GALNT2: variants seen among roughly 807,000 people sequenced by gnomAD.
GALNT2 encodes UDP-GalNAc:polypeptide N-acetylgalactosaminyltransferase 2.
Under a neutral mutation model 81.4 loss-of-function variants are expected in GALNT2, and 31 were observed. The observed-to-expected ratio is 0.38, with a 90% CI of 0.29 to 0.51. GALNT2 has a LOEUF of 0.51. Among genes scored for constraint, GALNT2 ranks in the 20% least tolerant of loss-of-function variants. GALNT2 has a pLI of 0.87. For synonymous variants in GALNT2, 303 were observed against 287.4 expected (o/e 1.05, Z -0.55); for missense variants, 629 against 765.7 (o/e 0.82, Z 2.11).
intron 1 of GALNT2, among the ~76,000 whole-genome samples, chr1:230,159,953 A>G (rs543075488): frequency 2.0e-5 from 3 of 152,220 alleles, no homozygotes; most frequent in African/African-American, 7.2e-5. Flanking sequence ...AGAGTTGCCA[A>G]GGGGAGTGGG....
chr1:230,162,879 C>T (rs569641578), intron 1 of GALNT2, among the ~76,000 whole-genome samples: 99 of 152,318 alleles, frequency 6.5e-4, no homozygotes, highest in African/African-American at 2.2e-3. Flanking sequence ...AGTCACATTT[C>T]CACATGACTG....
At chr1:230,113,562 T>C (rs984421772) in intron 1 of GALNT2, among the ~76,000 whole-genome samples, 14 of 152,054 alleles carry the variant, frequency 9.2e-5, no homozygotes, top group African/African-American at 2.9e-4. Flanking sequence ...GCAATGACAG[T>C]GGAACCCAGT....
chr1:230,155,112 C>G (rs1662207061), intron 1 of GALNT2, among the ~76,000 whole-genome samples: 1 of 152,202 alleles, frequency 6.6e-6, no homozygotes, highest in Non-Finnish European at 1.5e-5. Context: ...GCACCCCCCA[C>G]CCCGTTTCCG....
At chr1:230,176,734 C>T (rs1662992071) in intron 1 of GALNT2, among the ~76,000 whole-genome samples, 1 of 152,208 alleles carries the variant, frequency 6.6e-6, no homozygotes, top group South Asian at 2.1e-4. Flanking sequence ...GCCAAGTAAT[C>T]TCAAAAGCCA....
At chr1:230,156,916 T>C (rs1252830193) in intron 1 of GALNT2, among the ~76,000 whole-genome samples, 1 of 152,216 alleles carries the variant, frequency 6.6e-6, no homozygotes, top group Non-Finnish European at 1.5e-5. Flanking sequence ...ATACTTTGGT[T>C]CTATCATTAG....
intron 1 of GALNT2, among the ~76,000 whole-genome samples, chr1:230,090,840 A>G (rs1660049629): frequency 6.6e-6 from 1 of 152,184 alleles, no homozygotes; most frequent in Admixed American, 6.5e-5. Flanking sequence ...TAGCTTTGAG[A>G]GAGAGAATGA....
At chr1:230,073,847 C>G (rs923362775) in intron 1 of GALNT2, among the ~76,000 whole-genome samples, 3 of 152,138 alleles carry the variant, frequency 2.0e-5, no homozygotes, top group African/African-American at 7.2e-5. Context: ...CCGCAGCCTT[C>G]CAGGAGCTCC....
chr1:230,190,792 C>T (rs762901189), intron 2 of GALNT2, among the ~76,000 whole-genome samples: 22 of 152,148 alleles, frequency 1.4e-4, no homozygotes, highest in Admixed American at 3.3e-4. Context: ...TAAACATCTC[C>T]TATAGCATTT....
At chr1:230,255,421 G>T in intron 11 of GALNT2, 77 bp downstream of exon 11, 1 of 1,578,300 alleles carries the variant, frequency 6.3e-7, no homozygotes, top group Middle Eastern at 1.7e-4. Flanking sequence ...TGGGCTGTTT[G>T]AGGACAGATG....
At chr1:230,087,033 G>A (rs528914609) in intron 1 of GALNT2, among the ~76,000 whole-genome samples, 6 of 152,344 alleles carry the variant, frequency 3.9e-5, no homozygotes, top group Admixed American at 6.5e-5. Flanking sequence ...CACCAGGCAC[G>A]TAGGGAGAAA....
intron 3 of GALNT2, among the ~76,000 whole-genome samples, chr1:230,204,162 CTTTTTCT>C (rs796131761): frequency 0.016 from 2,348 of 146,572 alleles, 53 homozygotes; most frequent in African/African-American, 0.056. Context: ...TTTTCTTTTT[CTTTTTCT>C]TTTTTTTTTT....
intron 3 of GALNT2, 21 bp downstream of exon 3, chr1:230,203,311 C>G (rs958242973): frequency 1.2e-6 from 2 of 1,608,722 alleles, no homozygotes; most frequent in Non-Finnish European, 1.7e-6. Context: ...CACTAAGCAC[C>G]TGCTGCAGCT....
chr1:230,191,586 A>G (rs1239488748), intron 2 of GALNT2, among the ~76,000 whole-genome samples: 1 of 152,200 alleles, frequency 6.6e-6, no homozygotes, highest in Non-Finnish European at 1.5e-5. Context: ...ATCATAGCTC[A>G]CTGCAGCCTC....
At chr1:230,185,980 C>A (rs1222506028) in intron 2 of GALNT2, among the ~76,000 whole-genome samples, 3 of 152,176 alleles carry the variant, frequency 2.0e-5, no homozygotes, top group African/African-American at 7.2e-5. Context: ...ATTCACCTGT[C>A]CAATTTGGGG....
At chr1:230,116,168 A>G (rs1164521716) in intron 1 of GALNT2, among the ~76,000 whole-genome samples, 3 of 152,160 alleles carry the variant, frequency 2.0e-5, no homozygotes, top group African/African-American at 7.2e-5. Flanking sequence ...GAAGGATTTC[A>G]CTTGACTTTG....
At chr1:230,249,117 G>A in intron 8 of GALNT2, 67 bp from the exon 9 acceptor site, 2 of 1,384,052 alleles carry the variant, frequency 1.4e-6, no homozygotes, top group South Asian at 2.3e-5. Context: ...AAGCTGTGAG[G>A]AATGGGGGTG....
intron 2 of GALNT2, among the ~76,000 whole-genome samples, chr1:230,186,792 T>C (rs1663350658): frequency 6.6e-6 from 1 of 152,264 alleles, no homozygotes; most frequent in African/African-American, 2.4e-5. Context: ...GCCTCTCTTT[T>C]GAGTTATTAG....
chr1:230,271,807 G>A lies in GALNT2; in HGVS notation c.1441-2638G>A, dbSNP rs1666168300. The stretch of plus-strand genomic sequence containing the variant: ...TCCCAGCGCCTCCGCATGTCCGGCA[G>A]CCACATCCCGGAGTGCAAGGACTTT... On this transcript the variant is annotated intron_variant, in intron 14 of 15. Transcript: ENST00000366672. This position sits in a 1 kb window ranked among gnomAD's most constrained non-coding sequence, Gnocchi z 4.2. Among the ~76,000 whole-genome samples the A allele has an allele frequency of 1.3e-5, 2 of 152,226 alleles. No individual in the cohort carries two copies. Among genetic ancestry groups the A allele is most frequent in the South Asian group, 4.1e-4 (2 of 4,834 alleles).
At chr1:230,187,461 GGCAGGAGTAGAACTCTGT>G (rs1464941706) in intron 2 of GALNT2, among the ~76,000 whole-genome samples, 1 of 152,006 alleles carries the variant, frequency 6.6e-6, no homozygotes, top group Non-Finnish European at 1.5e-5. Context: ...TTTGGGCATC[GGCAGGAGTAGAACTCTGT>G]GCAGCCCCCC....
Sources: allele counts gnomAD v4.1 joint callset (sites outside exome capture counted in the v4.1 genomes callset), GRCh38; gene constraint gnomAD v4.1.1; non-coding constraint Gnocchi (gnomAD v3.1); transcripts MANE v1.5; gene names NCBI Gene and HGNC (gene_info 2026-07-23, HGNC 2026-07-21).